Variants in LPIN2 observed in about 807,000 individuals in gnomAD.
LPIN2 encodes phosphatidate phosphatase LPIN2.
A neutral mutation model predicts 111.4 loss-of-function variants in LPIN2; 55 were observed. The ratio of observed to expected loss-of-function variants is 0.49; its 90% CI spans 0.40 to 0.62. The LOEUF (loss-of-function observed/expected upper bound fraction) is 0.62. Among genes scored for constraint, LPIN2 ranks in the 20% least tolerant of loss-of-function variants. The probability of loss-of-function intolerance (pLI) is 0.00; values close to 1 mark genes in which losing one functional copy is unlikely to be tolerated. For missense variants in LPIN2, 992 were observed against 1,112.1 expected (o/e 0.89, Z 1.54); for synonymous variants, 425 against 414.0 (o/e 1.03, Z -0.32).
intron 1 of LPIN2, among the ~76,000 whole-genome samples, chr18:2,978,209 A>G (rs75522409): frequency 2.0e-5 from 3 of 152,114 alleles, no homozygotes; most frequent in Non-Finnish European, 4.4e-5. Flanking sequence ...AAATAAAAAA[A>G]AAAGTTGAAG....
intron 1 of LPIN2, among the ~76,000 whole-genome samples, chr18:2,984,316 G>A (rs969422117): frequency 2.6e-5 from 4 of 152,114 alleles, no homozygotes; most frequent in Admixed American, 6.5e-5. Context: ...AGTCACTTGC[G>A]ATCTAATTCA....
chr18:2,968,871 G>A (rs1191928917), intron 1 of LPIN2, among the ~76,000 whole-genome samples: 1 of 152,140 alleles, frequency 6.6e-6, no homozygotes, highest in Non-Finnish European at 1.5e-5. Context: ...CTAGAGAAGA[G>A]GTAGCTAAAG....
intron 4 of LPIN2, among the ~76,000 whole-genome samples, chr18:2,942,311 T>C (rs1259277254): frequency 6.6e-6 from 1 of 152,100 alleles, no homozygotes; most frequent in Non-Finnish European, 1.5e-5. Context: ...TATTTCTCAA[T>C]AAAGGAATAT....
At chr18:3,011,910 C>G (rs2078611014) in intron 1 of LPIN2, 1 of 152,340 alleles carries the variant, frequency 6.6e-6, no homozygotes, top group African/African-American at 2.4e-5. Flanking sequence ...GGCTCTGCCG[C>G]TTCTCCCCCG....
chr18:2,995,650 G>C (rs184381771), intron 1 of LPIN2, among the ~76,000 whole-genome samples: 37 of 152,290 alleles, frequency 2.4e-4, no homozygotes, highest in Non-Finnish European at 4.0e-4. Context: ...CATAGTCACA[G>C]AACTCTTATA....
At chr18:3,001,691 G>C (rs1276313100) in intron 1 of LPIN2, among the ~76,000 whole-genome samples, 1 of 151,772 alleles carries the variant, frequency 6.6e-6, no homozygotes. Flanking sequence ...GAAATGAAAG[G>C]GGCTTTTGCT....
intron 1 of LPIN2, among the ~76,000 whole-genome samples, chr18:3,002,674 C>A (rs1326453065): frequency 6.6e-6 from 1 of 152,152 alleles, no homozygotes; most frequent in Non-Finnish European, 1.5e-5. Context: ...CTTTCTGGGT[C>A]AAGAAAGAAA....
At position 2,954,537 on chromosome 18, in the gene LPIN2, TTC is replaced by T; in HGVS notation, c.253_254del (p.Glu85SerfsTer5). 1 of 1,614,080 alleles carries T rather than the reference TTC, an allele frequency of 6.2e-7. No individual in the cohort carries two copies. Among genetic ancestry groups the T allele is most frequent in the Non-Finnish European group, 8.5e-7 (1 of 1,179,900 alleles). Reference protein sequence around the residue: ...DLHMKLGDNGEAFFVEETEEE... With the variant: ...DLHMKLGDNGXAFFVEETEEE... ...CTTCAGTCTCCTCAACAAAGAAAGCTTCTCCGTTATCACCCAACTTCATGTGA... is the reference window on the plus strand; with the variant it reads ...CTTCAGTCTCCTCAACAAAGAAAGCTTCCGTTATCACCCAACTTCATGTGA... On this transcript the variant is annotated frameshift_variant, in exon 3 of 20. Transcript: ENST00000677752. LOFTEE classifies it high-confidence loss of function.
At chr18:3,008,374 G>A (rs61387159) in intron 1 of LPIN2, among the ~76,000 whole-genome samples, 12 of 152,158 alleles carry the variant, frequency 7.9e-5, no homozygotes, top group African/African-American at 1.7e-4. Flanking sequence ...CCCTAGAAGC[G>A]GAGGCTGCAG....
At position 2,940,728 on chromosome 18, in the gene LPIN2, CAAAG is replaced by C; in HGVS notation, c.591-20_591-17del. On this transcript the variant is annotated splice_polypyrimidine_tract_variant and intron_variant, in intron 4 of 19. Transcript: ENST00000677752. Reference sequence around the variant, plus strand: ...TGAAGATCCTCTGTGAAGGAGAAACCAAAGAAAGGCAGGAACGATGACATTCTTG... The same window carrying C: ...TGAAGATCCTCTGTGAAGGAGAAACCAAAGGCAGGAACGATGACATTCTTG... The C allele has an allele frequency of 6.9e-7, 1 of 1,443,460 alleles. No homozygotes were observed. The highest frequency in any genetic ancestry group is 9.7e-7 in the Non-Finnish European group (1 of 1,025,734). The allele number at this position is 1,443,460 out of a possible 1,614,324, so 89.4% of individuals were successfully genotyped here. A position where few individuals can be genotyped will look rare whatever the true frequency, so the allele number is the denominator to read the frequency against.
intron 9 of LPIN2, among the ~76,000 whole-genome samples, chr18:2,930,575 T>C (rs1433884395): frequency 1.3e-5 from 2 of 152,188 alleles, no homozygotes; most frequent in African/African-American, 2.4e-5. Flanking sequence ...AAAGAAAATT[T>C]TCCCTTAGAA....
intron 9 of LPIN2, among the ~76,000 whole-genome samples, chr18:2,930,140 A>G (rs4797092): frequency 0.067 from 10,257 of 152,286 alleles, 479 homozygotes; most frequent in Non-Finnish European, 0.094. Flanking sequence ...TTGTTTCTCC[A>G]GGTAATGTGT....
chr18:2,953,467 A>G (rs893842405), intron 3 of LPIN2, among the ~76,000 whole-genome samples: 2 of 152,204 alleles, frequency 1.3e-5, no homozygotes, highest in South Asian at 4.1e-4. Context: ...TATTACAAAG[A>G]TAAGTAATGA....
At chr18:2,974,268 T>C (rs907727649) in intron 1 of LPIN2, among the ~76,000 whole-genome samples, 2 of 151,984 alleles carry the variant, frequency 1.3e-5, no homozygotes, top group African/African-American at 4.8e-5. Flanking sequence ...TTAGTAGAGA[T>C]GGGGTTTCAC....
intron 1 of LPIN2, among the ~76,000 whole-genome samples, chr18:3,005,433 T>A (rs559827672): frequency 1.3e-5 from 2 of 152,106 alleles, no homozygotes; most frequent in East Asian, 3.9e-4. Context: ...CCCTCAGCAC[T>A]TTGGGAGGCT....
intron 1 of LPIN2, among the ~76,000 whole-genome samples, chr18:2,988,769 G>T (rs610810): frequency 0.91 from 139,165 of 152,256 alleles, 64,430 homozygotes; most frequent in East Asian, 1. Context: ...GTTGCAACAT[G>T]AGAAGAAATG....
chr18:2,992,522 A>G (rs929729493), intron 1 of LPIN2, among the ~76,000 whole-genome samples: 3 of 152,200 alleles, frequency 2.0e-5, no homozygotes, highest in Non-Finnish European at 4.4e-5. Context: ...GAAATCATAC[A>G]TTCAAAAATG....
chr18:2,920,710 G>A (rs923816140), intron 19 of LPIN2, 68 bp downstream of exon 19: 3 of 1,175,566 alleles, frequency 2.6e-6, no homozygotes, highest in Non-Finnish European at 3.8e-6. Flanking sequence ...GAAAAGGACA[G>A]GGTCTGTCTG....
Position 2,928,588 on chromosome 18 carries a change from C to A in LPIN2, c.1620+3G>T, listed in dbSNP as rs1364111993. 6.2e-7 allele frequency: 1 copy of A among 1,614,044 alleles called. No homozygotes were observed. The highest frequency in any genetic ancestry group is 8.5e-7 in the Non-Finnish European group (1 of 1,180,024). On this transcript the variant is annotated splice_donor_region_variant and intron_variant, in intron 11 of 19. Transcript: ENST00000677752. ...AAAGGCAGCAGATGGTGGATCGCCT[C>A]ACCTTAGGCAAGCTCTTCTGGAATA...
Sources: allele counts gnomAD v4.1 joint callset (sites outside exome capture counted in the v4.1 genomes callset), GRCh38; gene constraint gnomAD v4.1.1; transcripts MANE v1.5; gene names NCBI Gene and HGNC (gene_info 2026-07-23, HGNC 2026-07-21).